MACF1: variants seen among roughly 807,000 people sequenced by gnomAD.
MACF1 encodes microtubule-actin cross-linking factor 1.
Under a neutral mutation model 854.8 loss-of-function variants are expected in MACF1, and 193 were observed. The observed-to-expected ratio is 0.23, with a 90% CI of 0.20 to 0.25. The LOEUF is 0.25. Ranked by LOEUF, MACF1 falls within the 10% of genes least tolerant of loss-of-function variation. The pLI is 1.00. For missense variants in MACF1, 7,722 were observed against 8,929.1 expected, an observed-to-expected ratio of 0.86 and a Z score of 5.45; for synonymous variants, 3,185 against 3,226.7, an observed-to-expected ratio of 0.99 and a Z score of 0.44.
intron 70 of MACF1, chr1:39,436,473 C>CCATTA: frequency 6.2e-7 from 1 of 1,614,018 alleles, no homozygotes; most frequent in East Asian, 2.2e-5. Flanking sequence ...ACCGCGCCCA[C>CCATTA]CATTACAGAT....
At chr1:39,234,512 A>ACCTC (rs1644829182) in intron 2 of MACF1, among the ~76,000 whole-genome samples, 1 of 60,884 alleles carries the variant, frequency 1.6e-5, no homozygotes, top group Non-Finnish European at 3.4e-5. Context: ...GGCGCCCCTC[A>ACCTC]CCTCCCGGAC....
rs1018222665 is a variant in MACF1 at position 39,102,998 on chromosome 1, C to G, written c.220+18560C>G. 3 of 700,222 alleles carry G rather than the reference C, an allele frequency of 4.3e-6. No homozygotes were observed. The African/African-American group carries it at 5.2e-5, about 12-fold the overall frequency. 43.4% of individuals were successfully genotyped at this position (700,222 alleles called of 1,614,324 possible). A position where few individuals can be genotyped will look rare whatever the true frequency, so the allele number is the denominator to read the frequency against. On this transcript the variant is annotated intron_variant, in intron 2 of 93. Coordinates refer to the MACF1 transcript ENST00000361689. ...TCAGCCAAACATGTGGACTTCCCCA[C>G]TTTCCATTCATTAGAAGAATGCATT... is the stretch of plus-strand genomic sequence containing the variant.
rs774599990 is a variant in MACF1 at position 39,293,435 on chromosome 1, C to G, written c.1993-23C>G. On this transcript the variant is annotated intron_variant, in intron 17 of 100. Transcript: ENST00000564288. The stretch of plus-strand genomic sequence containing the variant: ...CAGATACAAAGGCTGCCAGTCTAAT[C>G]TTATAATCCTTGCTTTGTCTAGGAA... 13 of 1,598,418 alleles carry G rather than the reference C, an allele frequency of 8.1e-6. No individual in the cohort carries two copies. In the African/African-American group the frequency reaches 1.7e-4, roughly 21 times the overall value.
Position 39,282,325 on chromosome 1 carries a change from T to A in MACF1, c.646T>A (p.Ser216Thr). 6.2e-7 allele frequency: 1 copy of A among 1,614,092 alleles called. No individual in the cohort carries two copies. The highest frequency in any genetic ancestry group is 2.2e-5 in the East Asian group (1 of 44,858). The change falls in exon 7 of 101, where the codon TCC becomes ACC. Residue 216 changes from serine (S) to threonine (T), a missense_variant. Ser to Thr is a moderately conservative substitution (Grantham distance 58). Around this residue, in one of 15 missense-constraint regions of MACF1, gnomAD observed 108 missense variants for 196.4 expected, o/e 0.55. Coordinates refer to ENST00000564288, the MANE Select transcript of MACF1 (RefSeq NM_001394062.1). ...AGGAATCAAATGCACCAACTTTTCC[T>A]CCTGCTGGAGTGATGGGAAGATGTT... ...YTGIKCTNFS[S>T]CWSDGKMFNA...
chr1:39,388,802 CTAAA>C (rs1331122307), intron 58 of MACF1, 144 bp downstream of exon 58: 4 of 602,982 alleles, frequency 6.6e-6, no homozygotes, highest in East Asian at 7.6e-5. Flanking sequence ...TGTCTGAAGA[CTAAA>C]TAGTCTCTCG....
chr1:39,412,646 G>A, intron 58 of MACF1: 2 of 1,614,026 alleles, frequency 1.2e-6, no homozygotes, highest in Non-Finnish European at 8.5e-7. Context: ...TCATCAGAGG[G>A]AGGGGAGATG....
chr1:39,368,288 A>G lies in MACF1; in HGVS notation c.12912A>G (p.Thr4304=). 1 of 1,613,998 alleles carries G rather than the reference A, an allele frequency of 6.2e-7. No individual in the cohort carries two copies. Among genetic ancestry groups the G allele is most frequent in the African/African-American group, 1.3e-5 (1 of 75,052 alleles). The part of the protein sequence containing the change: ...DRVQNLRKDF[T]ELQKTVKERE... ...TACAGAATCTAAGAAAAGACTTCAC[A>G]GAGCTACAGAAGACAGTTAAAGAGA... The change falls in exon 50 of 101, where the codon ACA becomes ACG. Residue 4304 remains threonine, a synonymous_variant. Transcript: ENST00000564288.
chr1:39,361,818 G>A (rs1051741629), intron 49 of MACF1, 141 bp downstream of exon 49: 20 of 766,350 alleles, frequency 2.6e-5, no homozygotes, highest in Non-Finnish European at 1.3e-5. Flanking sequence ...CAGTGATCCC[G>A]TAAACTAGGT....
intron 23 of MACF1, among the ~76,000 whole-genome samples, chr1:39,306,860 A>AATTATTATTATTATTATT (rs141461887): frequency 1.4e-5 from 2 of 144,896 alleles, no homozygotes; most frequent in South Asian, 2.2e-4. Flanking sequence ...CATTTTTTGA[A>AATTATTATTATTATTATT]ATTATTATTA....
intron 22 of MACF1, among the ~76,000 whole-genome samples, chr1:39,302,694 A>G (rs1646074709): frequency 6.6e-6 from 1 of 152,236 alleles, no homozygotes; most frequent in Non-Finnish European, 1.5e-5. Context: ...TGTAACAGGT[A>G]TTTAATACAT....
chr1:39,271,398 C>T (rs774880375), intron 6 of MACF1, among the ~76,000 whole-genome samples: 80 of 152,222 alleles, frequency 5.3e-4, no homozygotes, highest in African/African-American at 1.4e-3. Context: ...CCTACCCTCA[C>T]GAGAACAGCA....
At chr1:39,185,264 C>G (rs983659160) in intron 2 of MACF1, among the ~76,000 whole-genome samples, 2 of 149,822 alleles carry the variant, frequency 1.3e-5, no homozygotes, top group African/African-American at 4.9e-5. Flanking sequence ...TGCACTCCAG[C>G]CTGGGCGACA....
chr1:39,342,466 C>T lies in MACF1; in HGVS notation c.10581+1513C>T, dbSNP rs551012037. 1.6e-3 allele frequency among the ~76,000 whole-genome samples: 245 copies of T among 151,986 alleles called. 1 individual carries two copies. Among genetic ancestry groups the T allele is most frequent in the African/African-American group, 5.7e-3 (236 of 41,456 alleles). On this transcript the variant is annotated intron_variant, in intron 40 of 100. Transcript: ENST00000564288. ...TAATTCTAAGTTCCTGTGAAATCGC[C>T]GCAGTGCTTTCCACCATGACTGAAC...
intron 2 of MACF1, among the ~76,000 whole-genome samples, chr1:39,237,317 T>A (rs1354492019): frequency 6.6e-6 from 1 of 152,220 alleles, no homozygotes. Context: ...CTGTATTTCA[T>A]ACTGCCTTGA....
chr1:39,210,975 G>A (rs1368592801), intron 1 of MACF1, among the ~76,000 whole-genome samples: 12 of 107,418 alleles, frequency 1.1e-4, no homozygotes, highest in African/African-American at 1.5e-4. Context: ...TCCCTCCCTC[G>A]CTCCCTTTTT....
Position 39,322,669 on chromosome 1 carries a change from G to A in MACF1, c.4091G>A (p.Gly1364Asp), listed in dbSNP as rs1367300567. 1.2e-6 allele frequency: 2 copies of A among 1,613,996 alleles called. No homozygotes were observed. Among genetic ancestry groups the A allele is most frequent in the African/African-American group, 2.7e-5 (2 of 74,904 alleles). Residue 1364 changes from glycine to aspartate, a missense_variant, in exon 32 of 101, where the codon GGC (glycine) becomes GAC (aspartate). Physicochemically the swap from Gly to Asp is moderately conservative, Grantham distance 94 (BLOSUM62 -1). Coordinates refer to ENST00000564288, the MANE Select transcript of MACF1 (RefSeq NM_001394062.1). The part of the protein sequence containing the change: ...AFVESQQKSP[G>D]KRRRMLSSSD... ...GTGGAATCGCAGCAGAAATCCCCTG[G>A]CAAGCGCCGTCGCATGCTTTCCTCT...
Position 39,284,149 on chromosome 1 carries a change from A to G in MACF1, c.999A>G (p.Ser333=). 6.2e-7 allele frequency: 1 copy of G among 1,613,802 alleles called. No homozygotes were observed. The highest frequency in any genetic ancestry group is 1.1e-5 in the South Asian group (1 of 90,952). Residue 333 remains serine, a synonymous_variant, in exon 10 of 101, where the codon TCA becomes TCG. Transcript: ENST00000564288. ...TCAAACAGCATACAATACTGATGTC[A>G]GATAAAACTTTTCCCCAAAACCCTG... ...PWIKQHTILM[S]DKTFPQNPVE... is the part of the protein sequence containing the mutation.
intron 1 of MACF1, among the ~76,000 whole-genome samples, chr1:39,225,507 C>T (rs868203181): frequency 7.2e-5 from 11 of 152,164 alleles, no homozygotes; most frequent in Non-Finnish European, 1.5e-4. Context: ...TGAGCCACCA[C>T]GCCCGGCCAT....
At chr1:39,090,267 T>C (rs1641771651) in intron 2 of MACF1, among the ~76,000 whole-genome samples, 1 of 152,268 alleles carries the variant, frequency 6.6e-6, no homozygotes, top group Non-Finnish European at 1.5e-5. Flanking sequence ...TACTTCTTCC[T>C]GGCAGTGTCC....
Sources: gnomAD v4.1 joint callset for allele counts (sites outside exome capture counted in the v4.1 genomes callset) on GRCh38, gnomAD v4.1.1 for gene constraint, gnomAD v4.1.1 regional missense constraint, MANE v1.5 for transcripts, NCBI Gene and HGNC (gene_info 2026-07-23, HGNC 2026-07-21) for gene names.